Variants in HSF2BP observed in about 807,000 individuals in gnomAD.
HSF2BP encodes heat shock factor 2-binding protein.
In HSF2BP, 35 loss-of-function variants were observed where a neutral mutation model predicts 35.0. The observed-to-expected ratio is 1.00, with a 90% CI of 0.76 to 1.32. The LOEUF is 1.32. Ranked by LOEUF, HSF2BP falls within the 40% of genes most tolerant of loss-of-function variation. HSF2BP has a pLI of 0.00. For synonymous variants in HSF2BP, 114 were observed against 117.4 expected (o/e 0.97, Z 0.18); for missense variants, 326 against 321.7 (o/e 1.01, Z -0.10).
At chr21:43,657,446 G>A (rs1209731263) in intron 2 of HSF2BP, among the ~76,000 whole-genome samples, 3 of 152,184 alleles carry the variant, frequency 2.0e-5, no homozygotes, top group Non-Finnish European at 4.4e-5. Flanking sequence ...TAATCAGGAG[G>A]AAAAGGAAGT....
At chr21:43,601,153 T>C (rs1020656732) in intron 7 of HSF2BP, among the ~76,000 whole-genome samples, 1 of 152,112 alleles carries the variant, frequency 6.6e-6, no homozygotes, top group Non-Finnish European at 1.5e-5. Context: ...TTCTCTGGAG[T>C]ACACATGCAG....
At chr21:43,611,398 T>A (rs1247794195) in intron 7 of HSF2BP, among the ~76,000 whole-genome samples, 1 of 152,202 alleles carries the variant, frequency 6.6e-6, no homozygotes, top group Non-Finnish European at 1.5e-5. Flanking sequence ...TTCCACTGAA[T>A]GCAGCTATAA....
At chr21:43,657,766 GAGA>G (rs1222071518) in intron 2 of HSF2BP, 1 of 886,800 alleles carries the variant, frequency 1.1e-6, no homozygotes, top group Non-Finnish European at 1.4e-6. Context: ...CCACGGAGCA[GAGA>G]AGAGAGTGAC....
At chr21:43,633,179 G>T in intron 5 of HSF2BP, 93 bp downstream of exon 5, 1 of 1,326,826 alleles carries the variant, frequency 7.5e-7, no homozygotes, top group South Asian at 1.5e-5. Flanking sequence ...GGAAAGATAT[G>T]GACTTAGTCT....
In HSF2BP at chr21:43,630,368, A is replaced by G; in HGVS notation, c.528T>C (p.Asp176=). 6.2e-7 allele frequency: 1 copy of G among 1,613,198 alleles called. No homozygotes were observed. Residue 176 remains aspartate, a synonymous_variant, in exon 6 of 9, where the codon GAT becomes GAC. Transcript: ENST00000291560. ...KSLDGDVQEL[D]SDESQFVFAL... ...CGAAAACAAACTGACTTTCATCCGAATCCAGCTCCTGGACATCACCGTCTA... is the reference window on the plus strand; with the variant it reads ...CGAAAACAAACTGACTTTCATCCGAGTCCAGCTCCTGGACATCACCGTCTA...
intron 6 of HSF2BP, among the ~76,000 whole-genome samples, chr21:43,628,568 C>T (rs1465299862): frequency 1.3e-5 from 2 of 152,226 alleles, no homozygotes; most frequent in Non-Finnish European, 2.9e-5. Flanking sequence ...ATAAAAACAA[C>T]GTGCAGCAGC....
At chr21:43,651,507 T>A (rs191703091) in intron 3 of HSF2BP, among the ~76,000 whole-genome samples, 2 of 152,258 alleles carry the variant, frequency 1.3e-5, no homozygotes, top group African/African-American at 4.8e-5. Flanking sequence ...TCTTCAAACC[T>A]ATCCTACACT....
intron 1 of HSF2BP, among the ~76,000 whole-genome samples, 159 bp from the exon 2 acceptor site, chr21:43,658,479 C>G (rs983081461): frequency 6.6e-6 from 1 of 152,210 alleles, no homozygotes; most frequent in Non-Finnish European, 1.5e-5. Context: ...TTCCCTCGCT[C>G]GGATTCAGGC....
the HSF2BP span, among the ~76,000 whole-genome samples, chr21:43,458,100 C>T: frequency 8.9e-5 from 9 of 101,446 alleles, 2 homozygotes; most frequent in African/African-American, 3.2e-4. Flanking sequence ...CAAGTGTGGT[C>T]CCTGGGCCCC....
intron 4 of HSF2BP, among the ~76,000 whole-genome samples, chr21:43,643,285 T>A (rs1487300498): frequency 6.6e-6 from 1 of 152,156 alleles, no homozygotes; most frequent in Non-Finnish European, 1.5e-5. Flanking sequence ...TCCGAGACTC[T>A]CATCGCTATG....
chr21:43,593,626 T>C (rs189605162), intron 7 of HSF2BP, among the ~76,000 whole-genome samples: 14 of 152,280 alleles, frequency 9.2e-5, no homozygotes, highest in Non-Finnish European at 1.6e-4. Flanking sequence ...CTAGGATTAC[T>C]ATTTTGAATG....
the HSF2BP span, among the ~76,000 whole-genome samples, chr21:43,467,485 C>G: frequency 8.4e-6 from 1 of 119,594 alleles, no homozygotes; most frequent in African/African-American, 3.4e-5. Context: ...TAGCCAAATC[C>G]CTTCATTAAA....
intron 6 of HSF2BP, among the ~76,000 whole-genome samples, chr21:43,618,096 C>A (rs1170731474): frequency 3.9e-5 from 6 of 151,950 alleles, no homozygotes; most frequent in Non-Finnish European, 7.4e-5. Context: ...CCCATCTCTA[C>A]AAAAATAAAA....
intron 8 of HSF2BP, among the ~76,000 whole-genome samples, chr21:43,585,195 T>G (rs1181923316): frequency 1.3e-5 from 2 of 152,068 alleles, no homozygotes; most frequent in East Asian, 1.9e-4. Context: ...CCTGTAGTCC[T>G]AGCTACTCAG....
chr21:43,658,041 G>A lies in HSF2BP; in HGVS notation c.36+20C>T. 1 of 1,535,650 alleles carries A rather than the reference G, an allele frequency of 6.5e-7. No homozygotes were observed. Among genetic ancestry groups the A allele is most frequent in the Non-Finnish European group, 8.7e-7 (1 of 1,146,260 alleles). ...CGACGGTTCAAACACGCTGGCGTCG[G>A]CCAGGGCTTCCTCACTAACCCGGCA... On this transcript the variant is annotated intron_variant, in intron 2 of 8. Coordinates refer to ENST00000291560, the MANE Select transcript of HSF2BP (RefSeq NM_007031.2).
intron 3 of HSF2BP, among the ~76,000 whole-genome samples, chr21:43,653,204 A>G (rs1179770449): frequency 1.3e-3 from 21 of 15,878 alleles, no homozygotes; most frequent in African/African-American, 5.5e-3. Flanking sequence ...GGGAAGGGGA[A>G]GGGAAGGGAA....
rs2082440210 is a variant in HSF2BP at position 43,630,387 on chromosome 21, C to T, written c.509G>A (p.Gly170Asp). Residue 170 changes from glycine (G) to aspartate (D), a missense_variant, in exon 6 of 9, where the codon GGT becomes GAT. Physicochemically the swap from Gly to Asp is moderately conservative, Grantham distance 94 (BLOSUM62 -1). Transcript: ENST00000291560. ...TMESFVKSLD[G>D]DVQELDSDES... is the part of the protein sequence containing the mutation. ...ATCCGAATCCAGCTCCTGGACATCA[C>T]CGTCTAACGACTTCACAAAACTCTC... The T allele has an allele frequency of 4.3e-6, 7 of 1,613,760 alleles. No homozygotes were observed. The highest frequency in any genetic ancestry group is 5.9e-6 in the Non-Finnish European group (7 of 1,179,908).
At chr21:43,610,841 G>A (rs2082195387) in intron 7 of HSF2BP, among the ~76,000 whole-genome samples, 1 of 152,140 alleles carries the variant, frequency 6.6e-6, no homozygotes, top group African/African-American at 2.4e-5. Flanking sequence ...CTCTCAGACA[G>A]GTTAGCAAAG....
At chr21:43,607,904 A>G (rs946119652) in intron 7 of HSF2BP, among the ~76,000 whole-genome samples, 1 of 152,222 alleles carries the variant, frequency 6.6e-6, no homozygotes, top group Admixed American at 6.5e-5. Context: ...ATGTAAACGA[A>G]TGAAACTGGA....
Sources: allele counts gnomAD v4.1 joint callset (sites outside exome capture counted in the v4.1 genomes callset), GRCh38; gene constraint gnomAD v4.1.1; transcripts MANE v1.5; gene names NCBI Gene and HGNC (gene_info 2026-07-23, HGNC 2026-07-21).